TGM4: variants seen among roughly 807,000 people sequenced by gnomAD.
TGM4 encodes protein-glutamine gamma-glutamyltransferase 4.
TGM4 carries 61 observed loss-of-function variants against 76.3 expected under a neutral mutation model. That is an observed-to-expected ratio of 0.80 (90% confidence interval 0.65 to 0.99). TGM4 has a LOEUF of 0.99. Among genes scored for constraint, TGM4 ranks in the 50% least tolerant of loss-of-function variants. The probability of loss-of-function intolerance (pLI) is 0.00; values close to 1 mark genes in which losing one functional copy is unlikely to be tolerated. For synonymous variants in TGM4, 337 were observed against 329.8 expected, an observed-to-expected ratio of 1.02 and a Z score of -0.24; for missense variants, 794 against 843.2, an observed-to-expected ratio of 0.94 and a Z score of 0.72.
chr3:44,879,805 T>G (rs943279468), intron 1 of TGM4, among the ~76,000 whole-genome samples: 3 of 151,182 alleles, frequency 2.0e-5, no homozygotes, highest in African/African-American at 4.9e-5. Context: ...TTATTTTATT[T>G]ATTATTTTTT....
Position 44,887,695 on chromosome 3 carries a change from A to AGACACCCAGGGTG in TGM4, c.200_201insGACACCCAGGGTG (p.Asn67LysfsTer7), listed in dbSNP as rs1346693466. ...TTCCTTTGGGTGTCTCCAGGGCCGAATCCTAGCATCGCCAAACACACCCTG... is the reference window on the plus strand; with the variant it reads ...TTCCTTTGGGTGTCTCCAGGGCCGAAGACACCCAGGGTGTCCTAGCATCGCCAAACACACCCTG... On this transcript the variant is annotated frameshift_variant, in exon 3 of 14. Coordinates refer to ENST00000296125, the MANE Select transcript of TGM4 (RefSeq NM_003241.4). LOFTEE classifies it high-confidence loss of function. 1 of 1,613,712 alleles carries AGACACCCAGGGTG rather than the reference A, an allele frequency of 6.2e-7. No individual in the cohort carries two copies. The highest frequency in any genetic ancestry group is 2.2e-5 in the East Asian group (1 of 44,880).
intron 10 of TGM4, 65 bp from the exon 11 acceptor site, chr3:44,910,025 G>C (rs1232314495): frequency 6.4e-7 from 1 of 1,558,630 alleles, no homozygotes; most frequent in Non-Finnish European, 8.7e-7. Context: ...TCTGCCACAC[G>C]GGTGGTTGGG....
Position 44,874,686 on chromosome 3 carries a change from A to G in TGM4, c.8A>G (p.Asp3Gly). 2 of 1,614,228 alleles carry G rather than the reference A, an allele frequency of 1.2e-6. No individual in the cohort carries two copies. Among genetic ancestry groups the G allele is most frequent in the Middle Eastern group, 1.6e-4 (1 of 6,062 alleles). The change falls in exon 1 of 14, where the codon GAT (aspartate) becomes GGT (glycine). Residue 3 changes from aspartate (D) to glycine (G), a missense_variant. Coordinates refer to ENST00000296125, the MANE Select transcript of TGM4 (RefSeq NM_003241.4). Reference sequence around the variant, plus strand: ...AGGAGAGAATCTGAAGGGATGATGGATGCATCAAAAGGTGAGTGGGTGAAA... The same window carrying G: ...AGGAGAGAATCTGAAGGGATGATGGGTGCATCAAAAGGTGAGTGGGTGAAA... Reference protein sequence around the residue: MMDASKELQVLHI... With the variant: MMGASKELQVLHI...
chr3:44,893,708 C>T lies in TGM4; in HGVS notation c.549+13C>T, dbSNP rs1304603904. The T allele has an allele frequency of 1.3e-5, 21 of 1,608,740 alleles. No homozygotes were observed. The highest frequency in any genetic ancestry group is 1.5e-5 in the Non-Finnish European group (18 of 1,175,420). On this transcript the variant is annotated intron_variant, in intron 5 of 13. Coordinates refer to ENST00000296125, the MANE Select transcript of TGM4 (RefSeq NM_003241.4). ...GAACTTTGGTCAGGTAATGATTTGT[C>T]GTCTTGTGGCTGCACCAGGCCCCAT... is the stretch of plus-strand genomic sequence containing the variant.
Position 44,914,616 on chromosome 3 carries a change from A to G in TGM4, c.*891A>G, listed in dbSNP as rs537055070. ...CTTCAAGAAAACTCTGTGGTCCCTG[A>G]GTCCTTTTTTCTTTATGCCAATAAG... On this transcript the variant is annotated 3_prime_UTR_variant, in exon 14 of 14. Coordinates refer to ENST00000296125, the MANE Select transcript of TGM4 (RefSeq NM_003241.4). 1.3e-5 allele frequency: 2 copies of G among 152,328 alleles called. No homozygotes were observed. The highest frequency in any genetic ancestry group is 2.9e-5 in the Non-Finnish European group (2 of 68,034). 9.4% of individuals were successfully genotyped at this position (152,328 alleles called of 1,614,324 possible).
chr3:44,895,670 A>C (rs1052739132), intron 5 of TGM4, among the ~76,000 whole-genome samples: 4 of 152,248 alleles, frequency 2.6e-5, no homozygotes, highest in Non-Finnish European at 5.9e-5. Context: ...AGAATCTCAA[A>C]GAATTGTAAC....
intron 1 of TGM4, among the ~76,000 whole-genome samples, chr3:44,879,473 A>ATTTTTTTTTTT (rs1184527794): frequency 8.1e-6 from 1 of 123,716 alleles, no homozygotes; most frequent in African/African-American, 3.1e-5. Flanking sequence ...AGCCTGGCTA[A>ATTTTTTTTTTT]TTTTTTTTTT....
chr3:44,911,308 C>T lies in TGM4; in HGVS notation c.1815C>T (p.Cys605=). ...GCAGAATTGGCCAGCTACTTGTCTG[C>T]AATTGTATCTTCAAGAATACCCTGG... ...NTGRIGQLLV[C]NCIFKNTLAI... Residue 605 remains cysteine, a synonymous_variant, in exon 13 of 14, where the codon TGC becomes TGT. Coordinates refer to ENST00000296125, the MANE Select transcript of TGM4 (RefSeq NM_003241.4). 1.9e-6 allele frequency: 3 copies of T among 1,614,250 alleles called. No homozygotes were observed. The highest frequency in any genetic ancestry group is 2.5e-6 in the Non-Finnish European group (3 of 1,180,048).
intron 13 of TGM4, among the ~76,000 whole-genome samples, chr3:44,911,936 T>C (rs1700011032): frequency 6.6e-6 from 1 of 152,234 alleles, no homozygotes; most frequent in Non-Finnish European, 1.5e-5. Flanking sequence ...GTTCAAGTGA[T>C]TCTCCTGCCT....
At chr3:44,900,063 C>T (rs917788334) in intron 6 of TGM4, among the ~76,000 whole-genome samples, 3 of 152,180 alleles carry the variant, frequency 2.0e-5, no homozygotes. Flanking sequence ...CAGAAATGTG[C>T]TTTGTTCCGC....
chr3:44,878,490 T>C (rs890062429), intron 1 of TGM4, among the ~76,000 whole-genome samples: 1 of 131,602 alleles, frequency 7.6e-6, no homozygotes, highest in Non-Finnish European at 1.6e-5. Flanking sequence ...TTATTATTAT[T>C]ATTATTATTT....
chr3:44,875,317 G>A (rs1178895954), intron 1 of TGM4, among the ~76,000 whole-genome samples: 2 of 152,202 alleles, frequency 1.3e-5, no homozygotes. Context: ...CATTCTTGGA[G>A]TTTTGTGACT....
chr3:44,901,108 C>T (rs917036724), intron 6 of TGM4, among the ~76,000 whole-genome samples: 44 of 152,272 alleles, frequency 2.9e-4, no homozygotes, highest in African/African-American at 1.0e-3. Flanking sequence ...AGTGTGGTGG[C>T]GTGCGCCTGT....
chr3:44,901,132 T>G (rs773113194), intron 6 of TGM4, among the ~76,000 whole-genome samples: 6 of 152,026 alleles, frequency 3.9e-5, no homozygotes, highest in Non-Finnish European at 5.9e-5. Flanking sequence ...CCCAATTACC[T>G]GGGTGGCTGA....
chr3:44,887,872 CT>C, intron 3 of TGM4, 77 bp downstream of exon 3: 2 of 1,262,784 alleles, frequency 1.6e-6, no homozygotes, highest in Non-Finnish European at 2.3e-6. Context: ...CCCCTATCCC[CT>C]TCCTCACCTG....
At chr3:44,913,108 T>C (rs1169360321) in intron 13 of TGM4, among the ~76,000 whole-genome samples, 1 of 151,596 alleles carries the variant, frequency 6.6e-6, no homozygotes. Flanking sequence ...GTGTAGATTC[T>C]GATTCAGCAG....
intron 3 of TGM4, among the ~76,000 whole-genome samples, chr3:44,889,987 A>G (rs954139857): frequency 6.6e-6 from 1 of 152,200 alleles, no homozygotes; most frequent in Admixed American, 6.5e-5. Flanking sequence ...CAGGAAACTT[A>G]CAATCATGGC....
chr3:44,893,580 A>G lies in TGM4; in HGVS notation c.434A>G (p.Asp145Gly), dbSNP rs1189960729. 1 of 1,613,426 alleles carries G rather than the reference A, an allele frequency of 6.2e-7. No homozygotes were observed. The highest frequency in any genetic ancestry group is 8.5e-7 in the Non-Finnish European group (1 of 1,179,652). The change falls in exon 5 of 14, where the codon GAC becomes GGC. Residue 145 changes from aspartate to glycine, a missense_variant. Physicochemically the swap from Asp to Gly is moderately conservative, Grantham distance 94. Transcript: ENST00000296125. Reference sequence around the variant, plus strand: ...TGGATGTGTGGTCTTGCTTCAGAGGACATGGTTTTCATGCCTGATGAGGAC... The same window carrying G: ...TGGATGTGTGGTCTTGCTTCAGAGGGCATGGTTTTCATGCCTGATGAGGAC... ...YLLFNPWCKEDMVFMPDEDER... is the reference protein window; with the variant it reads ...YLLFNPWCKEGMVFMPDEDER...
At chr3:44,911,457 G>A in intron 13 of TGM4, 51 bp downstream of exon 13, 1 of 1,596,434 alleles carries the variant, frequency 6.3e-7, no homozygotes. Flanking sequence ...CATATATCTT[G>A]CACATGTGTG....
Sources: gnomAD v4.1 joint callset for allele counts (sites outside exome capture counted in the v4.1 genomes callset) on GRCh38, gnomAD v4.1.1 for gene constraint, MANE v1.5 for transcripts, NCBI Gene and HGNC (gene_info 2026-07-23, HGNC 2026-07-21) for gene names.